Variants in LRRK1 observed in about 807,000 individuals in gnomAD.
LRRK1 encodes leucine-rich repeat serine/threonine-protein kinase 1.
In LRRK1, 113 loss-of-function variants were observed where a neutral mutation model predicts 209.1. That is an observed-to-expected ratio of 0.54 (90% CI 0.46 to 0.63). LRRK1 has a LOEUF of 0.63. Ranked by LOEUF, LRRK1 falls within the 30% of genes least tolerant of loss-of-function variation. The pLI is 0.00. For missense variants in LRRK1, 2,284 were observed against 2,632.2 expected, an observed-to-expected ratio of 0.87 and a Z score of 2.89; for synonymous variants, 1,144 against 1,099.7, an observed-to-expected ratio of 1.04 and a Z score of -0.80.
chr15:100,947,147 C>T (rs922688015), intron 2 of LRRK1, among the ~76,000 whole-genome samples: 29 of 151,888 alleles, frequency 1.9e-4, no homozygotes, highest in Admixed American at 1.8e-3. Flanking sequence ...TTAGTAGAGG[C>T]GGGGTTTCAC....
intron 27 of LRRK1, 68 bp downstream of exon 27, chr15:101,055,291 T>A (rs1173333269): frequency 7.0e-7 from 1 of 1,419,814 alleles, no homozygotes. Context: ...AGCCGGGCAG[T>A]CCTGGAGGCA....
At chr15:100,941,332 G>GTGTGTGTGTCTGTA (rs2042408634) in intron 2 of LRRK1, among the ~76,000 whole-genome samples, 1 of 133,048 alleles carries the variant, frequency 7.5e-6, no homozygotes, top group Non-Finnish European at 1.6e-5. Context: ...GTGTGTCTGT[G>GTGTGTGTGTCTGTA]TCTCTGTGTG....
At chr15:100,996,730 G>A (rs755133936) in intron 6 of LRRK1, among the ~76,000 whole-genome samples, 7 of 152,222 alleles carry the variant, frequency 4.6e-5, no homozygotes, top group Non-Finnish European at 1.0e-4. Flanking sequence ...AACAGCGCGT[G>A]GCTTCTCAGT....
chr15:100,936,182 G>A (rs1030440350), intron 2 of LRRK1, among the ~76,000 whole-genome samples: 4 of 152,172 alleles, frequency 2.6e-5, no homozygotes, highest in South Asian at 2.1e-4. Context: ...ACCAACATTC[G>A]TTATTTTGTC....
At position 101,055,142 on chromosome 15, in the gene LRRK1, C is replaced by T. The variant is rs1176426433; in HGVS notation, c.4251C>T (p.Phe1417=). 6.2e-7 allele frequency: 1 copy of T among 1,613,494 alleles called. No individual in the cohort carries two copies. The highest frequency in any genetic ancestry group is 8.5e-7 in the Non-Finnish European group (1 of 1,179,692). ...LSDYGISRQS[F]HEGALGVEGT... is the part of the protein sequence containing the mutation. ...ACTACGGGATTTCGAGGCAGTCATTCCATGAGGGCGCCCTAGGCGTGGAGG... is the reference window on the plus strand; with the variant it reads ...ACTACGGGATTTCGAGGCAGTCATTTCATGAGGGCGCCCTAGGCGTGGAGG... The change falls in exon 27 of 34, where the codon TTC becomes TTT. Residue 1417 remains phenylalanine (F), a synonymous_variant. Transcript: ENST00000388948.
In LRRK1 at chr15:101,027,798, G is replaced by A; in HGVS notation, c.2686+1G>A. Reference sequence around the variant, plus strand: ...AAGGACTACGAGGACCTGCAGTCAGGTGGGTGGGGCTGGGGTAGGTGGCAG... The same window carrying A: ...AAGGACTACGAGGACCTGCAGTCAGATGGGTGGGGCTGGGGTAGGTGGCAG... On this transcript the variant is annotated splice_donor_variant, in intron 19 of 33. Coordinates refer to ENST00000388948, the MANE Select transcript of LRRK1 (RefSeq NM_024652.6). LOFTEE classifies it high-confidence loss of function. This position sits in a 1 kb window ranked among gnomAD's most constrained non-coding sequence, Gnocchi z 5.1. 1 of 1,575,012 alleles carries A rather than the reference G, an allele frequency of 6.3e-7. No individual in the cohort carries two copies. The highest frequency in any genetic ancestry group is 8.6e-7 in the Non-Finnish European group (1 of 1,159,558).
rs2035217511 is a variant in LRRK1 at position 101,048,617 on chromosome 15, C to T, written c.3259C>T (p.Gln1087Ter). ...RVKRNQTIYW[Q>*]EGLLVTFDGG... The stretch of plus-strand genomic sequence containing the variant: ...GAAAAGAAATCAGACCATCTATTGG[C>T]AGGAAGGGCTCCTGGTCACTTTTGA... Residue 1087 changes from glutamine (Q) to a stop codon, truncating the protein, a stop_gained, in exon 22 of 34, where the codon CAG becomes TAG. Transcript: ENST00000388948. LOFTEE classifies it high-confidence loss of function. The T allele has an allele frequency of 6.5e-7, 1 of 1,550,282 alleles. No individual in the cohort carries two copies. The highest frequency in any genetic ancestry group is 8.7e-7 in the Non-Finnish European group (1 of 1,155,690).
intron 13 of LRRK1, chr15:101,021,595 G>C (rs925545926): frequency 3.0e-5 from 16 of 535,652 alleles, no homozygotes; most frequent in Non-Finnish European, 4.9e-5. Flanking sequence ...CTTAGTAGCA[G>C]AGACAGGAAA....
intron 7 of LRRK1, 75 bp from the exon 8 acceptor site, chr15:101,010,375 G>A (rs1596268355): frequency 6.5e-7 from 1 of 1,530,188 alleles, no homozygotes; most frequent in Non-Finnish European, 8.8e-7. Flanking sequence ...ACACCTCTTG[G>A]TTTATAGAAA....
intron 3 of LRRK1, among the ~76,000 whole-genome samples, chr15:100,982,363 C>T (rs1280318767): frequency 2.0e-5 from 3 of 152,216 alleles, no homozygotes; most frequent in Admixed American, 2.0e-4. Context: ...GCTATCTGAG[C>T]ATCCTTTTCT....
At chr15:101,046,215 G>A in intron 21 of LRRK1, 63 bp downstream of exon 21, 2 of 1,541,248 alleles carry the variant, frequency 1.3e-6, no homozygotes, top group Non-Finnish European at 1.8e-6. Flanking sequence ...TGTACCACTG[G>A]GGGAGGGGAA....
intron 2 of LRRK1, among the ~76,000 whole-genome samples, chr15:100,958,340 C>T (rs1157340552): frequency 6.6e-6 from 1 of 152,198 alleles, no homozygotes; most frequent in African/African-American, 2.4e-5. Flanking sequence ...GTATGCTGGG[C>T]AGCATGCAGG....
chr15:101,053,773 A>G (rs1334048342), intron 26 of LRRK1, among the ~76,000 whole-genome samples: 3 of 144,184 alleles, frequency 2.1e-5, no homozygotes, highest in Non-Finnish European at 3.1e-5. Context: ...CCAACTGCAC[A>G]CGTACACGGC....
Position 101,049,653 on chromosome 15 carries a change from T to C in LRRK1, c.3309T>C (p.Ser1103=), listed in dbSNP as rs778033689. 5 of 1,613,934 alleles carry C rather than the reference T, an allele frequency of 3.1e-6. No individual in the cohort carries two copies. The Admixed American group carries it at 8.3e-5, about 27-fold the overall frequency. The change falls in exon 23 of 34, where the codon TCT becomes TCC. Residue 1103 remains serine (S), a synonymous_variant. Coordinates refer to ENST00000388948, the MANE Select transcript of LRRK1 (RefSeq NM_024652.6). ...GGTCTCTGGATTGCAGTGTGGAATC[T>C]TCCGACGTGAACTGGAAAAAGAAGA... ...TFDGGYLSVE[S]SDVNWKKKKS...
chr15:100,986,587 C>G (rs755166176), intron 4 of LRRK1, among the ~76,000 whole-genome samples: 13 of 152,238 alleles, frequency 8.5e-5, no homozygotes, highest in Non-Finnish European at 1.5e-4. Flanking sequence ...CTGCCTGGCT[C>G]TGTTGGCCAG....
intron 6 of LRRK1, among the ~76,000 whole-genome samples, chr15:100,999,571 C>T (rs2032592276): frequency 6.6e-6 from 1 of 152,182 alleles, no homozygotes; most frequent in Admixed American, 6.5e-5. Context: ...ATGGCCCTTG[C>T]AAAGTAACTG....
chr15:100,926,950 G>T (rs2042126754), intron 2 of LRRK1, among the ~76,000 whole-genome samples: 1 of 152,020 alleles, frequency 6.6e-6, no homozygotes, highest in Non-Finnish European at 1.5e-5. Flanking sequence ...CTCCCAAAGG[G>T]GTGGGATTAC....
In LRRK1 at chr15:100,941,869, C is replaced by T. The variant is rs2042444033; in HGVS notation, c.97+17140C>T. Among the ~76,000 whole-genome samples, 8 of 152,246 alleles carry T rather than the reference C, an allele frequency of 5.3e-5. 1 individual carries two copies. The South Asian group carries it at 1.7e-3, about 32-fold the overall frequency. ...GGCACAAGCTGGAGAGGGGCCAGAT[C>T]CACAGGAGTCTGCCCACTATGGCTC... is the stretch of plus-strand genomic sequence containing the variant. On this transcript the variant is annotated intron_variant, in intron 2 of 33. Coordinates refer to ENST00000388948, the MANE Select transcript of LRRK1 (RefSeq NM_024652.6).
rs1437413884 is a variant in LRRK1, at chr15:100,989,396, A to T, written c.760A>T (p.Thr254Ser). 6.2e-7 allele frequency: 1 copy of T among 1,613,982 alleles called. No homozygotes were observed. The highest frequency in any genetic ancestry group is 8.5e-7 in the Non-Finnish European group (1 of 1,180,038). ...CTTGCCCAGCAGTTATCCGGGAAAA[A>T]CAGTGAGTAGTCACTGCCTGTGGAG... The part of the protein sequence containing the change: ...SPLPSSYPGK[T>S]ALRVKWSHLR... The change falls in exon 6 of 34, where the codon ACA becomes TCA. Residue 254 changes from threonine to serine, a missense_variant and splice_region_variant. Physicochemically the swap from Thr to Ser is moderately conservative, Grantham distance 58. Coordinates refer to ENST00000388948, the MANE Select transcript of LRRK1 (RefSeq NM_024652.6).
Sources: gnomAD v4.1 joint callset for allele counts (sites outside exome capture counted in the v4.1 genomes callset) on GRCh38, gnomAD v4.1.1 for gene constraint, Gnocchi (gnomAD v3.1) non-coding constraint, MANE v1.5 for transcripts, NCBI Gene and HGNC (gene_info 2026-07-23, HGNC 2026-07-21) for gene names.